The following STAT4 variants were observed in gnomAD, a reference collection of about 807,000 sequenced individuals.
The protein encoded by STAT4 is signal transducer and activator of transcription 4.
STAT4 carries 42 observed loss-of-function variants against 110.5 expected under a neutral mutation model. The observed-to-expected ratio is 0.38, with a 90% CI of 0.30 to 0.49. The LOEUF (loss-of-function observed/expected upper bound fraction) is 0.49. STAT4 is among the 20% of genes least tolerant of loss of function. The probability of loss-of-function intolerance (pLI) is 0.95; values close to 1 mark genes in which losing one functional copy is unlikely to be tolerated. For missense variants in STAT4, 632 were observed against 887.9 expected, an observed-to-expected ratio of 0.71 and a Z score of 3.66; for synonymous variants, 284 against 302.2, an observed-to-expected ratio of 0.94 and a Z score of 0.63.
At chr2:191,057,165 C>T (rs1341749494) in intron 13 of STAT4, among the ~76,000 whole-genome samples, 1 of 152,196 alleles carries the variant, frequency 6.6e-6, no homozygotes, top group East Asian at 1.9e-4. Context: ...CTCTTATCCC[C>T]CTGCCCTGCT....
At chr2:191,121,566 T>G (rs897810531) in intron 3 of STAT4, among the ~76,000 whole-genome samples, 1 of 152,184 alleles carries the variant, frequency 6.6e-6, no homozygotes, top group Non-Finnish European at 1.5e-5. Context: ...ATGTGGCACA[T>G]ATACACCATG....
At chr2:191,045,598 T>A (rs1446142446) in intron 14 of STAT4, among the ~76,000 whole-genome samples, 1 of 152,186 alleles carries the variant, frequency 6.6e-6, no homozygotes. Flanking sequence ...AAATATGCAT[T>A]ACTAAGTCAG....
intron 3 of STAT4, among the ~76,000 whole-genome samples, chr2:191,118,439 T>G (rs933166761): frequency 6.6e-6 from 1 of 152,214 alleles, no homozygotes; most frequent in African/African-American, 2.4e-5. Flanking sequence ...GATCTTCATC[T>G]TTCACTTCCT....
At chr2:191,095,349 C>T (rs1697939800) in intron 3 of STAT4, among the ~76,000 whole-genome samples, 1 of 152,118 alleles carries the variant, frequency 6.6e-6, no homozygotes, top group Admixed American at 6.6e-5. Flanking sequence ...CCAAAATTGA[C>T]CACATAGTTG....
At chr2:191,075,837 C>CTTTTTT (rs71407854) in intron 4 of STAT4, among the ~76,000 whole-genome samples, 2,008 of 121,192 alleles carry the variant, frequency 0.017, no homozygotes, top group African/African-American at 0.029. Context: ...TTCTTTCTTT[C>CTTTTTT]TTTTTTTTTT....
At chr2:191,131,004 A>T (rs1674603098) in intron 3 of STAT4, among the ~76,000 whole-genome samples, 1 of 151,792 alleles carries the variant, frequency 6.6e-6, no homozygotes, top group South Asian at 2.1e-4. Flanking sequence ...TTAGAAAAAT[A>T]ATAAAAAGTA....
At position 191,146,858 on chromosome 2, in the gene STAT4, T is replaced by A; in HGVS notation, c.129-101A>T. On this transcript the variant is annotated intron_variant, in intron 2 of 23. Transcript: ENST00000392320. This position sits in a 1 kb window ranked among gnomAD's most constrained non-coding sequence, Gnocchi z 4.5. ...AAACAATAAACCTATTACATGGTGATAAGCATTTAAAAGTTTTAAAAAATT... is the reference window on the plus strand; with the variant it reads ...AAACAATAAACCTATTACATGGTGAAAAGCATTTAAAAGTTTTAAAAAATT... 8.7e-7 allele frequency: 1 copy of A among 1,152,824 alleles called. No homozygotes were observed. The highest frequency in any genetic ancestry group is 1.1e-6 in the Non-Finnish European group (1 of 879,680). 71.4% of individuals were successfully genotyped at this position (1,152,824 alleles called of 1,614,324 possible).
At position 191,039,562 on chromosome 2, in the gene STAT4, G is replaced by A. The variant is rs929844832; in HGVS notation, c.1336-265C>T. On this transcript the variant is annotated intron_variant, in intron 15 of 23. Coordinates refer to ENST00000392320, the MANE Select transcript of STAT4 (RefSeq NM_003151.4). The surrounding 1 kb of genome is among the most constrained non-coding windows in gnomAD (Gnocchi z 4.7). ...TTCCCAGTATCTCCCCTGACATTGC[G>A]GACACATTTATACTTTTTAAATGTC... Among the ~76,000 whole-genome samples the A allele has an allele frequency of 1.3e-5, 2 of 152,100 alleles. No individual in the cohort carries two copies. Among genetic ancestry groups the A allele is most frequent in the South Asian group, 2.1e-4 (1 of 4,830 alleles).
chr2:191,075,791 A>G (rs567030191), intron 4 of STAT4, among the ~76,000 whole-genome samples: 1 of 152,140 alleles, frequency 6.6e-6, no homozygotes, highest in Non-Finnish European at 1.5e-5. Context: ...AACATAAGTA[A>G]AAGAAGCTGG....
At chr2:191,081,759 G>A (rs554791471) in intron 3 of STAT4, among the ~76,000 whole-genome samples, 46 of 152,126 alleles carry the variant, frequency 3.0e-4, no homozygotes, top group Non-Finnish European at 2.1e-4. Flanking sequence ...TTAGACATAA[G>A]ATCATAGTGA....
In STAT4 at chr2:191,086,216, G is replaced by GA. The variant is rs1275544443; in HGVS notation, c.274-9892dup. ...GTACAGAGCCCATAAAAGCCCTTTG[G>GA]AAAAACTGGCCTTCTATCTTGTCCT... On this transcript the variant is annotated intron_variant, in intron 3 of 23. Coordinates refer to ENST00000392320, the MANE Select transcript of STAT4 (RefSeq NM_003151.4). The surrounding 1 kb of genome is among the most constrained non-coding windows in gnomAD (Gnocchi z 5.5). 1.3e-5 allele frequency among the ~76,000 whole-genome samples: 2 copies of GA among 152,250 alleles called. No individual in the cohort carries two copies. The highest frequency in any genetic ancestry group is 2.9e-5 in the Non-Finnish European group (2 of 68,014).
At position 191,066,410 on chromosome 2, in the gene STAT4, A is replaced by G; in HGVS notation, c.630+20T>C. The G allele has an allele frequency of 6.2e-7, 1 of 1,607,290 alleles. No homozygotes were observed. On this transcript the variant is annotated intron_variant, in intron 7 of 23. Transcript: ENST00000392320. The surrounding 1 kb of genome is among the most constrained non-coding windows in gnomAD (Gnocchi z 4.3). ...AAGGAGAAAAATAGGCAAAAGCCCA[A>G]ATTAAAATTCTTCACTAACCTTTCT...
Position 191,051,403 on chromosome 2 carries a change from C to T in STAT4, c.1251+3087G>A, listed in dbSNP as rs1696518749. Among the ~76,000 whole-genome samples the T allele has an allele frequency of 6.6e-6, 1 of 152,212 alleles. No homozygotes were observed. Among genetic ancestry groups the T allele is most frequent in the African/African-American group, 2.4e-5 (1 of 41,446 alleles). ...CAGCTCATTCAGTCCTCACAACAAC[C>T]CTTAGAAGTGTAGGTTAACATTAGC... is the stretch of plus-strand genomic sequence containing the variant. On this transcript the variant is annotated intron_variant, in intron 14 of 23. Transcript: ENST00000392320. The surrounding 1 kb of genome is among the most constrained non-coding windows in gnomAD (Gnocchi z 5.6).
Position 191,138,689 on chromosome 2 carries a change from T to C in STAT4, c.273+7924A>G, listed in dbSNP as rs1172544738. 3.3e-5 allele frequency among the ~76,000 whole-genome samples: 5 copies of C among 152,104 alleles called. No homozygotes were observed. The highest frequency in any genetic ancestry group is 2.0e-4 in the Admixed American group (3 of 15,270). On this transcript the variant is annotated intron_variant, in intron 3 of 23. Coordinates refer to ENST00000392320, the MANE Select transcript of STAT4 (RefSeq NM_003151.4). The surrounding 1 kb of genome is among the most constrained non-coding windows in gnomAD (Gnocchi z 4.3). ...ATTCTATCAGACATTCAAAGAAGAA[T>C]TGGTACCAGTCCCACTGAAACTATT...
At position 191,059,228 on chromosome 2, in the gene STAT4, G is replaced by A. The variant is rs1696784690; in HGVS notation, c.1035-459C>T. Among the ~76,000 whole-genome samples, 1 of 152,102 alleles carries A rather than the reference G, an allele frequency of 6.6e-6. No homozygotes were observed. Among genetic ancestry groups the A allele is most frequent in the South Asian group, 2.1e-4 (1 of 4,838 alleles). ...TAAGACAGAACTGTAGTAAAATATG[G>A]AAAATCCCAACTTGAATACATTTGA... On this transcript the variant is annotated intron_variant, in intron 10 of 23. Coordinates refer to ENST00000392320, the MANE Select transcript of STAT4 (RefSeq NM_003151.4). This position sits in a 1 kb window ranked among gnomAD's most constrained non-coding sequence, Gnocchi z 4.7.
chr2:191,122,137 G>T (rs1307934275), intron 3 of STAT4: 1 of 151,840 alleles, frequency 6.6e-6, no homozygotes, highest in East Asian at 1.9e-4. Context: ...CACATTGCAT[G>T]CCTGTATCAA....
rs371989874 is a variant in STAT4 at position 191,031,498 on chromosome 2, C to T, written c.2063G>A (p.Arg688Lys). The change falls in exon 22 of 24, where the codon AGG (arginine) becomes AAG (lysine). Residue 688 changes from arginine to lysine, a missense_variant. By Grantham distance (26) the Arg-to-Lys change is conservative. This residue lies in a region of STAT4 where 38 missense variants were observed against 33.2 expected (regional missense o/e 1.15). Coordinates refer to ENST00000392320, the MANE Select transcript of STAT4 (RefSeq NM_003151.4). The surrounding 1 kb of genome is among the most constrained non-coding windows in gnomAD (Gnocchi z 4.8). ...AGAAGGAACATAACCTTTGTCACCC[C>T]TTTCTGTTGGTCTTGAAACTGGAAA... ...QPCEVSRPTE[R>K]GDKGYVPSVF... 1.9e-6 allele frequency: 3 copies of T among 1,613,180 alleles called. No homozygotes were observed. The highest frequency in any genetic ancestry group is 2.7e-5 in the African/African-American group (2 of 74,986).
At chr2:191,075,491 A>G (rs948363628) in intron 4 of STAT4, among the ~76,000 whole-genome samples, 4 of 152,226 alleles carry the variant, frequency 2.6e-5, no homozygotes, top group Non-Finnish European at 5.9e-5. Flanking sequence ...TGAGGTAGGA[A>G]ATGGAAGCAA....
chr2:191,097,374 A>T (rs943108453), intron 3 of STAT4, among the ~76,000 whole-genome samples: 1 of 152,210 alleles, frequency 6.6e-6, no homozygotes, highest in African/African-American at 2.4e-5. Flanking sequence ...AAACTATACT[A>T]CAAGGCTACA....
Sources: allele counts gnomAD v4.1 joint callset (sites outside exome capture counted in the v4.1 genomes callset), GRCh38; gene constraint gnomAD v4.1.1; regional missense constraint gnomAD v4.1.1; non-coding constraint Gnocchi (gnomAD v3.1); transcripts MANE v1.5; gene names NCBI Gene and HGNC (gene_info 2026-07-23, HGNC 2026-07-21).